FYB2: variants seen among roughly 807,000 people sequenced by gnomAD.
The protein encoded by FYB2 is FYN-binding protein 2.
Under a neutral mutation model 94.1 loss-of-function variants are expected in FYB2, and 103 were observed. The ratio of observed to expected loss-of-function variants is 1.09; its 90% confidence interval spans 0.93 to 1.29. The LOEUF (loss-of-function observed/expected upper bound fraction) is 1.29. FYB2 is among the 50% of genes most tolerant of loss of function. The pLI, the probability that FYB2 is intolerant of heterozygous loss-of-function variation, is 0.00. For missense variants in FYB2, 896 were observed against 841.5 expected, an observed-to-expected ratio of 1.06 and a Z score of -0.80; for synonymous variants, 293 against 287.9, an observed-to-expected ratio of 1.02 and a Z score of -0.18.
intron 1 of FYB2, among the ~76,000 whole-genome samples, chr1:56,806,133 T>C (rs904676662): frequency 2.0e-5 from 3 of 152,170 alleles, no homozygotes; most frequent in Non-Finnish European, 4.4e-5. Flanking sequence ...CTTGCTGTCC[T>C]GGGGTTCACA....
At chr1:56,770,160 T>A (rs1333843730) in intron 4 of FYB2, among the ~76,000 whole-genome samples, 1 of 152,148 alleles carries the variant, frequency 6.6e-6, no homozygotes. Context: ...TCTCTACCAG[T>A]AACTTTAAAA....
intron 19 of FYB2, 25 bp downstream of exon 19, chr1:56,719,997 T>TA: frequency 1.3e-6 from 2 of 1,571,748 alleles, no homozygotes; most frequent in Non-Finnish European, 1.7e-6. Flanking sequence ...ACTCATGATT[T>TA]AAAGTATAAA....
intron 1 of FYB2, among the ~76,000 whole-genome samples, chr1:56,805,837 C>G (rs1485822456): frequency 6.6e-6 from 1 of 152,150 alleles, no homozygotes; most frequent in Admixed American, 6.5e-5. Context: ...ATGTGACTTG[C>G]TCCTCCTTGC....
rs771897550 is a variant in FYB2 at position 56,792,278 on chromosome 1, G to C, written c.535C>G (p.Pro179Ala). The C allele has an allele frequency of 6.2e-7, 1 of 1,614,032 alleles. No homozygotes were observed. The highest frequency in any genetic ancestry group is 2.2e-5 in the East Asian group (1 of 44,878). The change falls in exon 2 of 20, where the codon CCA (proline) becomes GCA (alanine). Residue 179 changes from proline (P) to alanine (A), a missense_variant. Transcript: ENST00000343433. ...TCCAGCTTTTTCCTGGGTTCCTCTG[G>C]AGTAAGCCCCATGCCTTTTTGCCCT... is the stretch of plus-strand genomic sequence containing the variant. The part of the protein sequence containing the change: ...LEGQKGMGLT[P>A]EEPRKKLETK...
At chr1:56,737,987 C>T (rs757939166) in intron 14 of FYB2, among the ~76,000 whole-genome samples, 1 of 152,118 alleles carries the variant, frequency 6.6e-6, no homozygotes, top group South Asian at 2.1e-4. Context: ...TTGTCAAGTT[C>T]GAGTGACATC....
chr1:56,763,834 C>G (rs1312954219), intron 5 of FYB2, among the ~76,000 whole-genome samples: 2 of 151,724 alleles, frequency 1.3e-5, no homozygotes, highest in Admixed American at 6.6e-5. Context: ...TTGTTTCCTT[C>G]CTGCTACTTG....
chr1:56,784,560 C>T lies in FYB2; in HGVS notation c.953+2615G>A, dbSNP rs139517210. 3.3e-5 allele frequency among the ~76,000 whole-genome samples: 5 copies of T among 152,278 alleles called. No individual in the cohort carries two copies. In the East Asian group the frequency reaches 9.6e-4, roughly 29 times the overall value. On this transcript the variant is annotated intron_variant, in intron 4 of 19. Transcript: ENST00000343433. ...TCACTTATCATTGGCAAGATAAAGT[C>T]TCAACTTTTTACCATGGCACTTAAT... is the stretch of plus-strand genomic sequence containing the variant.
intron 1 of FYB2, among the ~76,000 whole-genome samples, chr1:56,798,250 G>A (rs755424029): frequency 6.6e-6 from 1 of 152,170 alleles, no homozygotes; most frequent in Admixed American, 6.5e-5. Flanking sequence ...TTGCTATCAT[G>A]TCAAAAGACA....
chr1:56,786,454 ATAAG>A (rs1008308255), intron 4 of FYB2, among the ~76,000 whole-genome samples: 1 of 152,234 alleles, frequency 6.6e-6, no homozygotes, highest in African/African-American at 2.4e-5. Context: ...TGATAAAGGA[ATAAG>A]TAATATGATT....
intron 4 of FYB2, among the ~76,000 whole-genome samples, chr1:56,781,175 G>T (rs1424873494): frequency 2.6e-5 from 4 of 152,168 alleles, no homozygotes; most frequent in South Asian, 2.1e-4. Context: ...AAGGCACAAT[G>T]ACATGCTTTT....
Position 56,719,184 on chromosome 1 carries a change from A to ATAAT in FYB2, c.*483_*486dup, listed in dbSNP as rs1644440367. 2 of 152,754 alleles carry ATAAT rather than the reference A, an allele frequency of 1.3e-5. No homozygotes were observed. Among genetic ancestry groups the ATAAT allele is most frequent in the Admixed American group, 1.3e-4 (2 of 15,274 alleles). 9.5% of individuals were successfully genotyped at this position (152,754 alleles called of 1,614,324 possible). A position where few individuals can be genotyped will look rare whatever the true frequency, so the allele number is the denominator to read the frequency against. On this transcript the variant is annotated 3_prime_UTR_variant, in exon 20 of 20. Coordinates refer to ENST00000343433, the MANE Select transcript of FYB2 (RefSeq NM_001004303.5). ...TTTATACTTTTTTAAAGACTGAGCC[A>ATAAT]TAATTAAGATTATACCTTAAACTTG...
intron 17 of FYB2, among the ~76,000 whole-genome samples, chr1:56,722,175 A>AATAACAT (rs1341427534): frequency 6.6e-6 from 1 of 152,126 alleles, no homozygotes; most frequent in African/African-American, 2.4e-5. Context: ...TGCAGTAGAT[A>AATAACAT]ATAACATATC....
intron 8 of FYB2, among the ~76,000 whole-genome samples, chr1:56,751,635 G>A (rs1645201479): frequency 6.6e-6 from 1 of 151,998 alleles, no homozygotes; most frequent in African/African-American, 2.4e-5. Flanking sequence ...GGGATGCTAT[G>A]TATTCCTTTT....
Position 56,762,761 on chromosome 1 carries a change from G to A in FYB2, c.1064-4011C>T, listed in dbSNP as rs1036620079. On this transcript the variant is annotated intron_variant, in intron 5 of 19. Transcript: ENST00000343433. The stretch of plus-strand genomic sequence containing the variant: ...CTTGCCTTATTGCACTAGCTAGAAC[G>A]TCCAGCACTATGTTGAATAGCAATG... Among the ~76,000 whole-genome samples the A allele has an allele frequency of 6.6e-5, 10 of 152,206 alleles. No individual in the cohort carries two copies. The Middle Eastern group carries it at 0.014, about 207-fold the overall frequency.
intron 17 of FYB2, among the ~76,000 whole-genome samples, chr1:56,721,653 A>G (rs1037390758): frequency 2.0e-5 from 3 of 152,042 alleles, no homozygotes; most frequent in Admixed American, 6.6e-5. Flanking sequence ...GGTCCATTGC[A>G]TACTGTCATT....
intron 14 of FYB2, 27 bp downstream of exon 14, chr1:56,738,598 G>C (rs1321387396): frequency 6.3e-7 from 1 of 1,592,178 alleles, no homozygotes; most frequent in Non-Finnish European, 8.6e-7. Flanking sequence ...GAGTACTTTT[G>C]GTCTGCAATA....
Position 56,792,496 on chromosome 1 carries a change from G to A in FYB2, c.317C>T (p.Thr106Ile), listed in dbSNP as rs1487956378. The A allele has an allele frequency of 6.2e-7, 1 of 1,614,138 alleles. No individual in the cohort carries two copies. Among genetic ancestry groups the A allele is most frequent in the East Asian group, 2.2e-5 (1 of 44,878 alleles). Residue 106 changes from threonine (T) to isoleucine (I), a missense_variant, in exon 2 of 20, where the codon ACA becomes ATA. Transcript: ENST00000343433. The part of the protein sequence containing the change: ...PLGKSTVCSA[T>I]SSQKASLLLE... ...CAGCAGAGAAGCCTTCTGTGAACTT[G>A]TTGCAGAACATACAGTAGACTTTCC...
At chr1:56,774,219 G>C (rs1184167325) in intron 4 of FYB2, among the ~76,000 whole-genome samples, 1 of 152,050 alleles carries the variant, frequency 6.6e-6, no homozygotes, top group Admixed American at 6.6e-5. Flanking sequence ...AGAAACATAG[G>C]CTTCAGAAAG....
intron 6 of FYB2, among the ~76,000 whole-genome samples, chr1:56,758,072 C>A (rs1000017251): frequency 6.6e-6 from 1 of 151,804 alleles, no homozygotes; most frequent in Non-Finnish European, 1.5e-5. Flanking sequence ...AGCCACTATG[C>A]CTGGCCAAGA....
Sources: gnomAD v4.1 joint callset for allele counts (sites outside exome capture counted in the v4.1 genomes callset) on GRCh38, gnomAD v4.1.1 for gene constraint, MANE v1.5 for transcripts, NCBI Gene and HGNC (gene_info 2026-07-23, HGNC 2026-07-21) for gene names.